Variants in GRM5 observed in about 807,000 individuals in gnomAD.
The protein encoded by GRM5 is glutamate metabotropic receptor 5, also known as metabotropic glutamate receptor 5.
GRM5 carries 19 observed loss-of-function variants against 83.1 expected under a neutral mutation model. That is an observed-to-expected ratio of 0.23 (90% CI 0.16 to 0.34). The LOEUF is 0.34. Ranked by LOEUF, GRM5 falls within the 10% of genes least tolerant of loss-of-function variation. The pLI is 1.00. For missense variants in GRM5, 1,160 were observed against 1,588.3 expected, an observed-to-expected ratio of 0.73 and a Z score of 4.58; for synonymous variants, 675 against 633.6, an observed-to-expected ratio of 1.07 and a Z score of -0.98.
chr11:88,623,677 C>A (rs1239668314), intron 4 of GRM5, among the ~76,000 whole-genome samples: 4 of 152,162 alleles, frequency 2.6e-5, no homozygotes, highest in African/African-American at 9.7e-5. Flanking sequence ...TTCCAGGAAT[C>A]TGGAGAAAGC....
At chr11:88,877,441 A>G (rs1425874115) in intron 2 of GRM5, among the ~76,000 whole-genome samples, 1 of 152,120 alleles carries the variant, frequency 6.6e-6, no homozygotes, top group African/African-American at 2.4e-5. Context: ...TGGTATAGAT[A>G]TTTGGGGAAG....
chr11:88,555,376 A>G (rs2135152804), intron 8 of GRM5, among the ~76,000 whole-genome samples: 1 of 152,256 alleles, frequency 6.6e-6, no homozygotes, highest in Non-Finnish European at 1.5e-5. Context: ...AAACACATGG[A>G]AAAGAGTCTC....
intron 3 of GRM5, among the ~76,000 whole-genome samples, chr11:88,726,065 G>T (rs1941672812): frequency 6.6e-6 from 1 of 152,156 alleles, no homozygotes; most frequent in African/African-American, 2.4e-5. Flanking sequence ...GTAGGCTTCA[G>T]AAAGTGAGTA....
intron 3 of GRM5, among the ~76,000 whole-genome samples, chr11:88,684,536 TA>T (rs1270759460): frequency 1.3e-5 from 2 of 152,150 alleles, no homozygotes; most frequent in African/African-American, 4.8e-5. Flanking sequence ...AGGGTGAGCT[TA>T]AGGTTTTTGG....
At chr11:88,686,656 T>A (rs11020948) in intron 3 of GRM5, among the ~76,000 whole-genome samples, 90,262 of 151,872 alleles carry the variant, frequency 0.59, 28,271 homozygotes, top group South Asian at 0.8. Flanking sequence ...AAGGGGGACC[T>A]TTCCCCCATA....
intron 2 of GRM5, among the ~76,000 whole-genome samples, chr11:89,006,806 TTG>T (rs1739441999): frequency 6.6e-6 from 1 of 152,194 alleles, no homozygotes; most frequent in African/African-American, 2.4e-5. Context: ...TTGCTTTGTT[TTG>T]TTTTGTTTTG....
chr11:88,783,636 C>T (rs950393568), intron 3 of GRM5, among the ~76,000 whole-genome samples: 41 of 151,374 alleles, frequency 2.7e-4, no homozygotes, highest in Admixed American at 2.4e-3. Flanking sequence ...TGTTTTCTCC[C>T]TCTCTCTCTC....
intron 6 of GRM5, among the ~76,000 whole-genome samples, chr11:88,596,078 T>C (rs722197): frequency 0.85 from 130,015 of 152,116 alleles, 56,463 homozygotes; most frequent in Non-Finnish European, 0.94. Flanking sequence ...AACCAATCGC[T>C]TTTTCTCTAA....
intron 2 of GRM5, among the ~76,000 whole-genome samples, chr11:88,910,506 G>A (rs1011866937): frequency 2.0e-5 from 3 of 152,020 alleles, no homozygotes; most frequent in African/African-American, 7.2e-5. Flanking sequence ...ACCACCAAAT[G>A]GTTTCCACAG....
At chr11:88,841,243 T>C (rs1348611495) in intron 3 of GRM5, among the ~76,000 whole-genome samples, 2 of 152,174 alleles carry the variant, frequency 1.3e-5, no homozygotes, top group Non-Finnish European at 2.9e-5. Context: ...TTCTCCTCAG[T>C]GGTTTTCTTA....
At chr11:89,024,781 G>A (rs1377949823) in intron 2 of GRM5, among the ~76,000 whole-genome samples, 1 of 152,050 alleles carries the variant, frequency 6.6e-6, no homozygotes, top group African/African-American at 2.4e-5. Context: ...TATGAATCAA[G>A]CTTTGAAATA....
chr11:89,019,422 T>C (rs370411379), intron 2 of GRM5, among the ~76,000 whole-genome samples: 103 of 152,064 alleles, frequency 6.8e-4, no homozygotes, highest in Middle Eastern at 3.4e-3. Context: ...CAGCTGGGCA[T>C]GGTGGCTCAC....
chr11:88,767,928 G>T (rs1459060493), intron 3 of GRM5, among the ~76,000 whole-genome samples: 2 of 151,878 alleles, frequency 1.3e-5, no homozygotes, highest in Non-Finnish European at 2.9e-5. Flanking sequence ...ACTATAAAAA[G>T]AAAAAAGTAA....
chr11:88,561,239 T>C (rs1179900291), intron 8 of GRM5, among the ~76,000 whole-genome samples: 1 of 152,192 alleles, frequency 6.6e-6, no homozygotes, highest in East Asian at 1.9e-4. Flanking sequence ...AGACCAGCAG[T>C]TGCTTTAGCA....
chr11:88,689,125 C>T (rs1159032168), intron 3 of GRM5, among the ~76,000 whole-genome samples: 4 of 152,028 alleles, frequency 2.6e-5, no homozygotes, highest in South Asian at 2.1e-4. Flanking sequence ...ACTAAATAGG[C>T]TACTCAATGT....
rs1940383077 is a variant in GRM5, at chr11:89,001,599, G to A, written c.661+45613C>T. Reference sequence around the variant, plus strand: ...TAAAAAGTAAACATGAAGGATCTTTGTGGTGGTGGAGCTGCTCTGTTCTTG... The same window carrying A: ...TAAAAAGTAAACATGAAGGATCTTTATGGTGGTGGAGCTGCTCTGTTCTTG... On this transcript the variant is annotated intron_variant, in intron 2 of 9. Coordinates refer to ENST00000305447, the MANE Select transcript of GRM5 (RefSeq NM_001143831.3). Among the ~76,000 whole-genome samples the A allele has an allele frequency of 2.0e-5, 3 of 152,226 alleles. 1 individual carries two copies. The highest frequency in any genetic ancestry group is 2.0e-4 in the Admixed American group (3 of 15,274).
intron 8 of GRM5, among the ~76,000 whole-genome samples, chr11:88,545,989 T>C (rs1255595748): frequency 6.6e-6 from 1 of 152,106 alleles, no homozygotes; most frequent in Non-Finnish European, 1.5e-5. Flanking sequence ...TTTCTCATTT[T>C]ACTTTAATCA....
intron 8 of GRM5, among the ~76,000 whole-genome samples, chr11:88,543,034 C>T (rs573505643): frequency 6.6e-6 from 1 of 152,284 alleles, no homozygotes; most frequent in East Asian, 1.9e-4. Context: ...GGCCACTGCA[C>T]TCCAGCCTGG....
chr11:88,967,847 C>A (rs572784870), intron 2 of GRM5, among the ~76,000 whole-genome samples: 2 of 151,896 alleles, frequency 1.3e-5, no homozygotes, highest in Admixed American at 1.3e-4. Context: ...GAAGATGCAC[C>A]CAAGACAGAC....
Sources: allele counts gnomAD v4.1 joint callset (sites outside exome capture counted in the v4.1 genomes callset), GRCh38; gene constraint gnomAD v4.1.1; transcripts MANE v1.5; gene names NCBI Gene and HGNC (gene_info 2026-07-23, HGNC 2026-07-21).